The following CMIP variants were observed in gnomAD, a reference collection of about 807,000 sequenced individuals.
CMIP encodes the protein C-Maf-inducing protein.
A neutral mutation model predicts 97.3 loss-of-function variants in CMIP; 13 were observed. The ratio of observed to expected loss-of-function variants is 0.13; its 90% CI spans 0.09 to 0.21. The LOEUF (loss-of-function observed/expected upper bound fraction) is 0.21, where lower values mean the gene tolerates loss of function less well. Ranked by LOEUF, CMIP falls within the 10% of genes least tolerant of loss-of-function variation. CMIP has a pLI of 1.00. For synonymous variants in CMIP, 538 were observed against 436.3 expected (o/e 1.23, Z -2.91); for missense variants, 847 against 1,024.9 (o/e 0.83, Z 2.37).
intron 10 of CMIP, among the ~76,000 whole-genome samples, chr16:81,686,769 A>G (rs1357368757): frequency 6.6e-6 from 1 of 152,132 alleles, no homozygotes; most frequent in Non-Finnish European, 1.5e-5. Flanking sequence ...GGGAGTGAAC[A>G]TTTGTACTTG....
At position 81,678,632 on chromosome 16, in the gene CMIP, A is replaced by T; in HGVS notation, c.1388+4A>T. 2 of 1,462,306 alleles carry T rather than the reference A, an allele frequency of 1.4e-6. No homozygotes were observed. Among genetic ancestry groups the T allele is most frequent in the Non-Finnish European group, 1.9e-6 (2 of 1,060,468 alleles). 90.6% of individuals were successfully genotyped at this position (1,462,306 alleles called of 1,614,324 possible). ...ACGTGGAAATCCTCAAGCTGCTGTGAGTGCCCCCCCCGCGTGCCCGCCCCC... is the reference window on the plus strand; with the variant it reads ...ACGTGGAAATCCTCAAGCTGCTGTGTGTGCCCCCCCCGCGTGCCCGCCCCC... On this transcript the variant is annotated splice_donor_region_variant and intron_variant, in intron 10 of 20. Transcript: ENST00000537098.
chr16:81,460,933 A>G (rs1475125119), intron 1 of CMIP, among the ~76,000 whole-genome samples: 1 of 152,172 alleles, frequency 6.6e-6, no homozygotes, highest in African/African-American at 2.4e-5. Context: ...TGTGATCGTT[A>G]TGACAATCCT....
chr16:81,530,815 A>G (rs1195603013), intron 1 of CMIP, among the ~76,000 whole-genome samples: 1 of 152,108 alleles, frequency 6.6e-6, no homozygotes, highest in African/African-American at 2.4e-5. Context: ...ACCCTCTTTT[A>G]CATACATTAT....
At chr16:81,505,122 C>T (rs868366230) in intron 1 of CMIP, among the ~76,000 whole-genome samples, 13 of 152,198 alleles carry the variant, frequency 8.5e-5, no homozygotes, top group Admixed American at 3.9e-4. Flanking sequence ...GTGACCCAGC[C>T]GATGGAGGGC....
intron 1 of CMIP, among the ~76,000 whole-genome samples, chr16:81,481,734 T>A (rs2089226639): frequency 6.6e-6 from 1 of 152,102 alleles, no homozygotes; most frequent in Non-Finnish European, 1.5e-5. Flanking sequence ...AAAGTTGAGG[T>A]GTTGTCTTTC....
intron 1 of CMIP, among the ~76,000 whole-genome samples, chr16:81,569,652 A>C (rs990338265): frequency 6.6e-6 from 1 of 152,236 alleles, no homozygotes; most frequent in Admixed American, 6.5e-5. Flanking sequence ...TCTACTGTGT[A>C]AATACTTACA....
chr16:81,664,529 A>C, intron 7 of CMIP, 180 bp downstream of exon 7: 2 of 551,092 alleles, frequency 3.6e-6, no homozygotes. Context: ...CTTGTCCTCC[A>C]TTACGGCAAC....
chr16:81,470,961 C>G (rs893546820), intron 1 of CMIP, among the ~76,000 whole-genome samples: 4 of 152,200 alleles, frequency 2.6e-5, no homozygotes, highest in Non-Finnish European at 5.9e-5. Flanking sequence ...CATATGCATA[C>G]ACACATGCAC....
intron 1 of CMIP, among the ~76,000 whole-genome samples, chr16:81,500,447 T>TCCTC (rs772620125): frequency 8.9e-6 from 1 of 112,546 alleles, no homozygotes; most frequent in African/African-American, 3.4e-5. Flanking sequence ...CTCTCTCCCT[T>TCCTC]CCTCCCTCCC....
intron 2 of CMIP, among the ~76,000 whole-genome samples, chr16:81,609,518 T>C (rs1488001420): frequency 2.0e-5 from 3 of 152,206 alleles, no homozygotes; most frequent in Non-Finnish European, 4.4e-5. Context: ...GGAGGCCCCA[T>C]GCGTGAAGAG....
At chr16:81,505,172 G>A (rs1032793809) in intron 1 of CMIP, among the ~76,000 whole-genome samples, 56 of 152,340 alleles carry the variant, frequency 3.7e-4, no homozygotes, top group African/African-American at 1.3e-3. Context: ...GAGGCAGGAC[G>A]GGGGTGTGGC....
Position 81,657,830 on chromosome 16 carries a change from G to A in CMIP, c.681+14G>A, listed in dbSNP as rs374074255. On this transcript the variant is annotated intron_variant, in intron 5 of 20. Coordinates refer to ENST00000537098, the MANE Select transcript of CMIP (RefSeq NM_198390.3). ...AACATCATTGTGGTAAGTTCCTCTC[G>A]AACACGCTCCCTCCACCCACCTCCG... 5 of 1,598,462 alleles carry A rather than the reference G, an allele frequency of 3.1e-6. No individual in the cohort carries two copies. In the Admixed American group the frequency reaches 5.2e-5, roughly 17 times the overall value.
At chr16:81,481,464 G>T (rs1033391661) in intron 1 of CMIP, among the ~76,000 whole-genome samples, 1 of 152,206 alleles carries the variant, frequency 6.6e-6, no homozygotes, top group Admixed American at 6.5e-5. Context: ...TGAGCTGATG[G>T]CTTCAGAGCT....
chr16:81,560,634 C>T (rs2090864522), intron 1 of CMIP, among the ~76,000 whole-genome samples: 1 of 152,300 alleles, frequency 6.6e-6, no homozygotes, highest in South Asian at 2.1e-4. Flanking sequence ...ACTCACTCAC[C>T]CACCCAGAAC....
At chr16:81,698,302 G>A (rs1356389357) in intron 14 of CMIP, among the ~76,000 whole-genome samples, 38 of 152,160 alleles carry the variant, frequency 2.5e-4, no homozygotes, top group Admixed American at 2.5e-3. Context: ...CGGTGACCGG[G>A]GACCCCTGCC....
chr16:81,643,302 C>T (rs968668175), intron 3 of CMIP, among the ~76,000 whole-genome samples: 1 of 152,148 alleles, frequency 6.6e-6, no homozygotes, highest in Non-Finnish European at 1.5e-5. Flanking sequence ...TGTATGATTC[C>T]ATTTATATGC....
At chr16:81,532,051 C>T (rs1448099611) in intron 1 of CMIP, among the ~76,000 whole-genome samples, 1 of 152,218 alleles carries the variant, frequency 6.6e-6, no homozygotes, top group Admixed American at 6.5e-5. Context: ...GCGCTTTATT[C>T]TGTAGTTCTC....
intron 1 of CMIP, among the ~76,000 whole-genome samples, chr16:81,513,416 T>C (rs2089851804): frequency 6.6e-6 from 1 of 152,216 alleles, no homozygotes; most frequent in Admixed American, 6.5e-5. Flanking sequence ...GTTGAGTGAA[T>C]GACAGGACTG....
intron 1 of CMIP, among the ~76,000 whole-genome samples, chr16:81,511,161 A>G (rs2089803194): frequency 6.6e-6 from 1 of 152,202 alleles, no homozygotes; most frequent in Non-Finnish European, 1.5e-5. Context: ...CCTCTCTCCC[A>G]GCCACTGTTT....
Sources: gnomAD v4.1 joint callset for allele counts (sites outside exome capture counted in the v4.1 genomes callset) on GRCh38, gnomAD v4.1.1 for gene constraint, MANE v1.5 for transcripts, NCBI Gene and HGNC (gene_info 2026-07-23, HGNC 2026-07-21) for gene names.